The following SYT17 variants were observed in gnomAD, a reference collection of about 807,000 sequenced individuals.
The protein encoded by SYT17 is synaptotagmin-17.
In SYT17, 22 loss-of-function variants were observed where a neutral mutation model predicts 46.7. The observed-to-expected ratio is 0.47, with a 90% CI of 0.34 to 0.67. SYT17 has a LOEUF of 0.67. Among genes scored for constraint, SYT17 ranks in the 30% least tolerant of loss-of-function variants. The pLI is 0.01. For synonymous variants in SYT17, 251 were observed against 248.4 expected, an observed-to-expected ratio of 1.01 and a Z score of -0.10; for missense variants, 519 against 612.8, an observed-to-expected ratio of 0.85 and a Z score of 1.62.
intron 7 of SYT17, among the ~76,000 whole-genome samples, chr16:19,233,853 C>T (rs948579359): frequency 6.6e-6 from 1 of 152,094 alleles, no homozygotes; most frequent in Admixed American, 6.5e-5. Flanking sequence ...CCCACAGCCC[C>T]ACCCTGGCCA....
chr16:19,205,727 C>T (rs1037552530), intron 5 of SYT17, among the ~76,000 whole-genome samples: 1 of 152,208 alleles, frequency 6.6e-6, no homozygotes, highest in Admixed American at 6.5e-5. Flanking sequence ...AGTGATCCAC[C>T]GGCCTCGGCC....
intron 5 of SYT17, among the ~76,000 whole-genome samples, chr16:19,201,806 C>G (rs1965478093): frequency 6.6e-6 from 1 of 152,082 alleles, no homozygotes. Context: ...CACGTTCATT[C>G]ATTCAACAGA....
At position 19,172,796 on chromosome 16, in the gene SYT17, T is replaced by A. The variant is rs775286822; in HGVS notation, c.33+19T>A. On this transcript the variant is annotated intron_variant, in intron 2 of 7. Coordinates refer to ENST00000355377, the MANE Select transcript of SYT17 (RefSeq NM_016524.4). ...AAACGAGGTGGGTTCATTTGATGAT[T>A]TGTTTGGTCTGGTTTCTAATCAAGA... 1 of 1,614,062 alleles carries A rather than the reference T, an allele frequency of 6.2e-7. No homozygotes were observed.
In SYT17 at chr16:19,220,303, C is replaced by CTTTCTTTTTTT. The variant is rs776097400; in HGVS notation, c.952-2739_952-2738insCTTTTTTTTTT. Among the ~76,000 whole-genome samples, 620 of 80,442 alleles carry CTTTCTTTTTTT rather than the reference C, an allele frequency of 7.7e-3. 4 individuals are homozygous for CTTTCTTTTTTT. Among genetic ancestry groups the CTTTCTTTTTTT allele is most frequent in the South Asian group, 0.019 (35 of 1,806 alleles). 52.8% of individuals were successfully genotyped at this position (80,442 alleles called of 152,430 possible). On this transcript the variant is annotated intron_variant, in intron 5 of 7. Transcript: ENST00000355377. The stretch of plus-strand genomic sequence containing the variant: ...TTCAATGACATTTCTTTCTTTCTTT[C>CTTTCTTTTTTT]TTTTTTTTTTTTTTTTTGAGATGAA...
At chr16:19,237,206 C>A (rs1229335796) in intron 7 of SYT17, among the ~76,000 whole-genome samples, 1 of 152,226 alleles carries the variant, frequency 6.6e-6, no homozygotes, top group Non-Finnish European at 1.5e-5. Context: ...AAGCCCTTTT[C>A]ACTCACTCTT....
rs561317295 is a variant in SYT17 at position 19,172,774 on chromosome 16, C to T, written c.30C>T (p.Asn10=). ...TAAAAGGGCAGTTGGAACCATTAAA[C>T]GAGGTGGGTTCATTTGATGATTTGT... MAYIQLEPL[N]EGFLSRISGL... is the part of the protein sequence containing the mutation. The change falls in exon 2 of 8, where the codon AAC becomes AAT. Residue 10 remains asparagine (N), a synonymous_variant. Transcript: ENST00000355377. 6.2e-6 allele frequency: 10 copies of T among 1,613,674 alleles called. No homozygotes were observed. Among genetic ancestry groups the T allele is most frequent in the South Asian group, 5.5e-5 (5 of 91,060 alleles).
intron 7 of SYT17, among the ~76,000 whole-genome samples, chr16:19,233,125 G>C (rs1229306546): frequency 1.3e-5 from 2 of 152,218 alleles, no homozygotes; most frequent in Non-Finnish European, 2.9e-5. Context: ...CCTGCTGTCT[G>C]TCTGGAGGCC....
intron 7 of SYT17, among the ~76,000 whole-genome samples, chr16:19,243,774 C>T (rs1039333979): frequency 4.2e-5 from 6 of 141,492 alleles, no homozygotes; most frequent in Non-Finnish European, 7.5e-5. Context: ...GCCAAGATCA[C>T]GCCATTGCAC....
chr16:19,206,640 C>T (rs115349106), intron 5 of SYT17, among the ~76,000 whole-genome samples: 2,106 of 152,200 alleles, frequency 0.014, 64 homozygotes, highest in African/African-American at 0.049. Context: ...CCACCCCAGG[C>T]CTCTCCTGTG....
chr16:19,199,868 C>T (rs531691586), intron 5 of SYT17, among the ~76,000 whole-genome samples: 10 of 152,336 alleles, frequency 6.6e-5, no homozygotes, highest in South Asian at 4.1e-4. Context: ...AAGGAAATGA[C>T]GAATAAGATG....
intron 7 of SYT17, among the ~76,000 whole-genome samples, chr16:19,246,397 TATGA>T (rs1347508758): frequency 1.3e-5 from 2 of 152,098 alleles, no homozygotes; most frequent in African/African-American, 4.8e-5. Flanking sequence ...ATATTTGCAA[TATGA>T]ATATGTAAAA....
At chr16:19,211,552 T>C in intron 5 of SYT17, 1 of 688,502 alleles carries the variant, frequency 1.5e-6, no homozygotes, top group Non-Finnish European at 2.7e-6. Flanking sequence ...GAAGCTTAGA[T>C]GAGGAGGTGA....
chr16:19,231,364 A>G (rs1224935584), intron 7 of SYT17, among the ~76,000 whole-genome samples: 1 of 151,914 alleles, frequency 6.6e-6, no homozygotes, highest in African/African-American at 2.4e-5. Flanking sequence ...TGAGGTCAGG[A>G]GTTCGGGACT....
At chr16:19,209,236 G>T (rs1287689648) in intron 5 of SYT17, among the ~76,000 whole-genome samples, 1 of 151,978 alleles carries the variant, frequency 6.6e-6, no homozygotes, top group Non-Finnish European at 1.5e-5. Flanking sequence ...ATGAATTTTG[G>T]GGAGGGAAAT....
rs138586492 is a variant in SYT17 at position 19,232,920 on chromosome 16, T to C, written c.1228+8082T>C. Among the ~76,000 whole-genome samples the C allele has an allele frequency of 1.6e-3, 246 of 152,294 alleles. 2 individuals are homozygous for C. The highest frequency in any genetic ancestry group is 5.5e-3 in the African/African-American group (228 of 41,560). On this transcript the variant is annotated intron_variant, in intron 7 of 7. Transcript: ENST00000355377. ...CATTGTTTGACTCCCTAACCCTGTC[T>C]GTACGTTAGTATTACTCAGGGACTT...
At chr16:19,206,912 C>G (rs1455447131) in intron 5 of SYT17, among the ~76,000 whole-genome samples, 1 of 152,172 alleles carries the variant, frequency 6.6e-6, no homozygotes, top group East Asian at 1.9e-4. Flanking sequence ...TGTGTTTCCT[C>G]TGCCAAACCT....
chr16:19,252,735 A>C (rs2142997330), intron 7 of SYT17, among the ~76,000 whole-genome samples: 1 of 150,670 alleles, frequency 6.6e-6, no homozygotes, highest in African/African-American at 2.4e-5. Flanking sequence ...TGAATCTCAA[A>C]CCCGGCTACA....
rs150809194 is a variant in SYT17, at chr16:19,188,439, C to T, written c.951+4292C>T. On this transcript the variant is annotated intron_variant, in intron 5 of 7. Transcript: ENST00000355377. ...ATCTATACAACAATCTGCCATGACA[C>T]GAGTTTACCTATGTAACAAACCTGC... Among the ~76,000 whole-genome samples, 5 of 137,398 alleles carry T rather than the reference C, an allele frequency of 3.6e-5. No individual in the cohort carries two copies. The East Asian group carries it at 1.1e-3, about 30-fold the overall frequency. The allele number at this position is 137,398 out of a possible 152,430, so 90.1% of individuals were successfully genotyped here.
chr16:19,187,953 T>C (rs1964849105), intron 5 of SYT17, among the ~76,000 whole-genome samples: 1 of 152,124 alleles, frequency 6.6e-6, no homozygotes, highest in African/African-American at 2.4e-5. Context: ...AAGACAGAAA[T>C]ACCTTTCCAC....
Sources: allele counts gnomAD v4.1 joint callset (sites outside exome capture counted in the v4.1 genomes callset), GRCh38; gene constraint gnomAD v4.1.1; transcripts MANE v1.5; gene names NCBI Gene and HGNC (gene_info 2026-07-23, HGNC 2026-07-21).